LRIG1: variants seen among roughly 807,000 people sequenced by gnomAD.
The protein encoded by LRIG1 is leucine-rich repeats and immunoglobulin-like domains protein 1.
LRIG1 carries 48 observed loss-of-function variants against 99.2 expected under a neutral mutation model. The ratio of observed to expected loss-of-function variants is 0.48; its 90% CI spans 0.38 to 0.62. The LOEUF (loss-of-function observed/expected upper bound fraction) is 0.62. Ranked by LOEUF, LRIG1 falls within the 20% of genes least tolerant of loss-of-function variation. The pLI is 0.00. For synonymous variants in LRIG1, 772 were observed against 596.1 expected (o/e 1.29, Z -4.30); for missense variants, 1,646 against 1,434.4 (o/e 1.15, Z -2.38).
At position 66,383,247 on chromosome 3, in the gene LRIG1, G is replaced by A; in HGVS notation, c.2226C>T (p.Thr742=). 2 of 1,614,190 alleles carry A rather than the reference G, an allele frequency of 1.2e-6. No individual in the cohort carries two copies. Among genetic ancestry groups the A allele is most frequent in the African/African-American group, 1.3e-5 (1 of 75,064 alleles). Residue 742 remains threonine, a synonymous_variant, in exon 15 of 19, where the codon ACC becomes ACT. Coordinates refer to ENST00000273261, the MANE Select transcript of LRIG1 (RefSeq NM_015541.3). The part of the protein sequence containing the change: ...PLSLTERHHL[T]PDNQLLVVQN... Reference sequence around the variant, plus strand: ...GAACCACCAGGAGCTGGTTGTCAGGGGTCAAGTGGTGCCGCTCAGTGAGGC... The same window carrying A: ...GAACCACCAGGAGCTGGTTGTCAGGAGTCAAGTGGTGCCGCTCAGTGAGGC...
intron 1 of LRIG1, among the ~76,000 whole-genome samples, chr3:66,488,654 C>G (rs1008195185): frequency 6.6e-6 from 1 of 151,880 alleles, no homozygotes. Flanking sequence ...AAAAAGGAAG[C>G]CACTAGGCTG....
intron 12 of LRIG1, among the ~76,000 whole-genome samples, chr3:66,390,277 A>G (rs1445516240): frequency 6.6e-6 from 1 of 152,232 alleles, no homozygotes; most frequent in Non-Finnish European, 1.5e-5. Flanking sequence ...TGCAGGATAC[A>G]AGATCAAGAT....
intron 17 of LRIG1, 34 bp from the exon 18 acceptor site, chr3:66,380,895 C>T: frequency 1.9e-6 from 3 of 1,604,516 alleles, no homozygotes; most frequent in Non-Finnish European, 2.6e-6. Flanking sequence ...GTTAGAGTCA[C>T]TGCTGTGGGA....
intron 3 of LRIG1, among the ~76,000 whole-genome samples, chr3:66,434,188 T>A (rs905319837): frequency 1.3e-5 from 2 of 152,238 alleles, no homozygotes; most frequent in Admixed American, 6.5e-5. Flanking sequence ...ATCACATATC[T>A]AACAAAGAAC....
chr3:66,399,134 T>C (rs1055843670), intron 9 of LRIG1, 93 bp from the exon 10 acceptor site: 3 of 1,008,574 alleles, frequency 3.0e-6, no homozygotes, highest in Middle Eastern at 2.0e-4. Context: ...AAACACACAA[T>C]TAAGGTAGTG....
intron 1 of LRIG1, among the ~76,000 whole-genome samples, chr3:66,484,067 G>A (rs1005851688): frequency 6.6e-6 from 1 of 152,306 alleles, no homozygotes. Context: ...GGTTCTATTT[G>A]TTTCTTCTTT....
intron 15 of LRIG1, among the ~76,000 whole-genome samples, 195 bp downstream of exon 15, chr3:66,382,787 G>T (rs181598531): frequency 1.4e-5 from 2 of 147,538 alleles, no homozygotes; most frequent in Non-Finnish European, 3.0e-5. Context: ...GAGTATTCCT[G>T]TTTAAGGTTA....
intron 3 of LRIG1, among the ~76,000 whole-genome samples, chr3:66,429,762 T>C (rs1306121751): frequency 6.6e-6 from 1 of 151,310 alleles, no homozygotes; most frequent in African/African-American, 2.4e-5. Flanking sequence ...TAATGCAAGA[T>C]GTTAACAATA....
chr3:66,408,536 G>A (rs952910168), intron 7 of LRIG1, among the ~76,000 whole-genome samples: 1 of 152,180 alleles, frequency 6.6e-6, no homozygotes, highest in African/African-American at 2.4e-5. Flanking sequence ...ACCAGCTAGA[G>A]AGGGGATCCC....
intron 2 of LRIG1, among the ~76,000 whole-genome samples, chr3:66,452,542 T>C (rs777151492): frequency 1.3e-5 from 2 of 152,186 alleles, no homozygotes; most frequent in South Asian, 4.1e-4. Context: ...AGAAAGAAAT[T>C]GTACTTGCGA....
chr3:66,453,624 G>A (rs1191295126), intron 2 of LRIG1, among the ~76,000 whole-genome samples: 1 of 152,068 alleles, frequency 6.6e-6, no homozygotes, highest in Non-Finnish European at 1.5e-5. Flanking sequence ...CTACATTACC[G>A]GTAAGTTCTC....
Position 66,464,614 on chromosome 3 carries a change from G to C in LRIG1, c.219-2105C>G, listed in dbSNP as rs955905992. The stretch of plus-strand genomic sequence containing the variant: ...GGGCCACTGACTCTTGAGGCCATTA[G>C]GTTCAAAGGGAACATATGTTTCTGG... On this transcript the variant is annotated intron_variant, in intron 1 of 18. Coordinates refer to ENST00000273261, the MANE Select transcript of LRIG1 (RefSeq NM_015541.3). Among the ~76,000 whole-genome samples, 3 of 152,148 alleles carry C rather than the reference G, an allele frequency of 2.0e-5. No homozygotes were observed. The East Asian group carries it at 5.8e-4, about 29-fold the overall frequency.
At position 66,380,711 on chromosome 3, in the gene LRIG1, T is replaced by C; in HGVS notation, c.2921A>G (p.His974Arg). The C allele has an allele frequency of 6.2e-7, 1 of 1,614,234 alleles. No homozygotes were observed. The highest frequency in any genetic ancestry group is 8.5e-7 in the Non-Finnish European group (1 of 1,180,036). ...GPEPGGSDQEHSPHHQCSRTA... is the reference protein window; with the variant it reads ...GPEPGGSDQERSPHHQCSRTA... Reference sequence around the variant, plus strand: ...CCTGCTGCACTGGTGATGTGGAGAATGCTCTTGGTCACTCCCACCCGGCTC... The same window carrying C: ...CCTGCTGCACTGGTGATGTGGAGAACGCTCTTGGTCACTCCCACCCGGCTC... Residue 974 changes from histidine (H) to arginine (R), a missense_variant, in exon 18 of 19, where the codon CAT becomes CGT. By Grantham distance (29) the His-to-Arg change is conservative (BLOSUM62 0). Transcript: ENST00000273261.
chr3:66,455,771 C>A (rs1700204410), intron 2 of LRIG1, among the ~76,000 whole-genome samples: 1 of 152,290 alleles, frequency 6.6e-6, no homozygotes, highest in African/African-American at 2.4e-5. Flanking sequence ...GCTTTAGTTA[C>A]TAGAGAATAA....
At chr3:66,416,983 G>T in intron 4 of LRIG1, 146 bp downstream of exon 4, 2 of 1,034,292 alleles carry the variant, frequency 1.9e-6, no homozygotes, top group South Asian at 1.5e-5. Context: ...CTCAGGGAAG[G>T]TCTGAACCAT....
intron 12 of LRIG1, among the ~76,000 whole-genome samples, chr3:66,391,750 G>A (rs1701628124): frequency 6.6e-6 from 1 of 152,104 alleles, no homozygotes; most frequent in African/African-American, 2.4e-5. Context: ...TTTTAAAGGG[G>A]TAAATTTTTA....
chr3:66,491,305 A>G (rs916024766), intron 1 of LRIG1, among the ~76,000 whole-genome samples: 1 of 152,234 alleles, frequency 6.6e-6, no homozygotes, highest in Non-Finnish European at 1.5e-5. Context: ...GATCTATTCC[A>G]TTTCTAATTA....
chr3:66,404,553 G>T, intron 9 of LRIG1: 2 of 494,790 alleles, frequency 4.0e-6, no homozygotes, highest in Non-Finnish European at 2.9e-6. Flanking sequence ...CCACTTGCCA[G>T]CCGTGTAGTT....
At chr3:66,406,472 C>T in intron 8 of LRIG1, 1 of 959,858 alleles carries the variant, frequency 1.0e-6, no homozygotes, top group Middle Eastern at 5.4e-4. Context: ...TTTCACACTC[C>T]CTGGCAATGG....
Sources: gnomAD v4.1 joint callset for allele counts (sites outside exome capture counted in the v4.1 genomes callset) on GRCh38, gnomAD v4.1.1 for gene constraint, MANE v1.5 for transcripts, NCBI Gene and HGNC (gene_info 2026-07-23, HGNC 2026-07-21) for gene names.